The following ZNF385D variants were observed in gnomAD, a reference collection of about 807,000 sequenced individuals.
The protein encoded by ZNF385D is zinc finger protein 385D.
In ZNF385D, 15 loss-of-function variants were observed where a neutral mutation model predicts 35.8. The observed-to-expected ratio is 0.42, with a 90% CI of 0.28 to 0.64. ZNF385D has a LOEUF of 0.64. Ranked by LOEUF, ZNF385D falls within the 30% of genes least tolerant of loss-of-function variation. The pLI is 0.23. For missense variants in ZNF385D, 474 were observed against 494.6 expected (o/e 0.96, Z 0.39); for synonymous variants, 212 against 186.8 (o/e 1.13, Z -1.10).
chr3:22,255,143 G>C (rs554354762), intron 2 of ZNF385D, among the ~76,000 whole-genome samples: 1 of 151,054 alleles, frequency 6.6e-6, no homozygotes, highest in Non-Finnish European at 1.5e-5. Flanking sequence ...CAAATGCGGG[G>C]AACTACTATA....
At chr3:21,685,557 T>C (rs17009306) in intron 1 of ZNF385D, among the ~76,000 whole-genome samples, 5,847 of 152,266 alleles carry the variant, frequency 0.038, 393 homozygotes, top group African/African-American at 0.13. Context: ...AAGCAGCACA[T>C]GCGGTCTTGC....
intron 2 of ZNF385D, among the ~76,000 whole-genome samples, chr3:21,620,263 C>T (rs953742320): frequency 4.6e-5 from 7 of 152,086 alleles, no homozygotes; most frequent in African/African-American, 1.7e-4. Flanking sequence ...TTTTCCAAAA[C>T]AGAGGAAGGA....
intron 3 of ZNF385D, among the ~76,000 whole-genome samples, chr3:21,560,205 C>T (rs138789119): frequency 1.9e-3 from 293 of 152,186 alleles, no homozygotes; most frequent in South Asian, 6.4e-3. Flanking sequence ...CTCTTACTGG[C>T]GAGGAGTTGT....
At chr3:22,159,327 C>G (rs986954191) in intron 3 of ZNF385D, among the ~76,000 whole-genome samples, 1 of 152,004 alleles carries the variant, frequency 6.6e-6, no homozygotes, top group African/African-American at 2.4e-5. Context: ...ATTCTCTTTT[C>G]TTTTTTGGCT....
At chr3:21,981,744 G>A (rs1694464487) in intron 3 of ZNF385D, among the ~76,000 whole-genome samples, 1 of 152,212 alleles carries the variant, frequency 6.6e-6, no homozygotes, top group African/African-American at 2.4e-5. Flanking sequence ...TTTGTGTATG[G>A]TGTATGGAAG....
intron 4 of ZNF385D, among the ~76,000 whole-genome samples, chr3:21,455,668 A>G (rs1016980903): frequency 3.9e-5 from 6 of 152,198 alleles, no homozygotes; most frequent in Non-Finnish European, 8.8e-5. Context: ...TTCAGGACAT[A>G]GGCATGGGGG....
intron 3 of ZNF385D, among the ~76,000 whole-genome samples, chr3:22,083,241 T>C (rs982101861): frequency 2.0e-4 from 30 of 152,188 alleles, no homozygotes; most frequent in African/African-American, 6.0e-4. Flanking sequence ...CTTTGATGAG[T>C]TGACAGAAGT....
chr3:21,977,328 CA>C (rs59271781), intron 3 of ZNF385D, among the ~76,000 whole-genome samples: 24 of 151,438 alleles, frequency 1.6e-4, no homozygotes, highest in East Asian at 1.2e-3. Context: ...TTTCAATTAA[CA>C]AAAAAAAATT....
intron 2 of ZNF385D, among the ~76,000 whole-genome samples, chr3:22,205,996 C>G (rs111693416): frequency 6.6e-6 from 1 of 151,786 alleles, no homozygotes; most frequent in African/African-American, 2.4e-5. Flanking sequence ...CAACTCAAAT[C>G]TTGCCATATA....
intron 2 of ZNF385D, among the ~76,000 whole-genome samples, chr3:22,231,689 T>A (rs1698899654): frequency 6.6e-6 from 1 of 152,142 alleles, no homozygotes; most frequent in South Asian, 2.1e-4. Context: ...GCCAGGTAGA[T>A]GGGTCCCAAT....
intron 3 of ZNF385D, among the ~76,000 whole-genome samples, chr3:21,784,080 T>C (rs2071595042): frequency 6.6e-6 from 1 of 152,190 alleles, no homozygotes; most frequent in Non-Finnish European, 1.5e-5. Flanking sequence ...CACACGTGCT[T>C]ATCAGTCTCC....
chr3:22,277,472 AAGC>A (rs1379784158), intron 2 of ZNF385D, among the ~76,000 whole-genome samples: 1 of 152,130 alleles, frequency 6.6e-6, no homozygotes, highest in African/African-American at 2.4e-5. Context: ...AAATTCAAGA[AAGC>A]AGCAGAAGAA....
At chr3:21,968,666 T>G (rs987611428) in intron 3 of ZNF385D, among the ~76,000 whole-genome samples, 22 of 152,196 alleles carry the variant, frequency 1.4e-4, no homozygotes, top group African/African-American at 5.3e-4. Flanking sequence ...TTAGCAGCAT[T>G]CATCACCTAC....
intron 2 of ZNF385D, among the ~76,000 whole-genome samples, chr3:21,638,632 A>C (rs2065516138): frequency 6.6e-6 from 1 of 152,106 alleles, no homozygotes; most frequent in Admixed American, 6.6e-5. Context: ...AGCATCTATA[A>C]AACTTGGGAG....
intron 3 of ZNF385D, among the ~76,000 whole-genome samples, chr3:21,903,408 A>C (rs1699513095): frequency 1.3e-5 from 2 of 152,172 alleles, no homozygotes; most frequent in African/African-American, 2.4e-5. Context: ...TGTCACATTC[A>C]CACCTGTACT....
At chr3:21,904,607 T>A (rs1359671649) in intron 3 of ZNF385D, among the ~76,000 whole-genome samples, 1 of 152,150 alleles carries the variant, frequency 6.6e-6, no homozygotes, top group Non-Finnish European at 1.5e-5. Flanking sequence ...TAGATAAAGC[T>A]TTATGATATT....
At chr3:21,939,502 A>G (rs564925436) in intron 3 of ZNF385D, among the ~76,000 whole-genome samples, 4 of 152,292 alleles carry the variant, frequency 2.6e-5, no homozygotes, top group African/African-American at 9.6e-5. Context: ...CACCAATTAT[A>G]TATTGTAAAT....
chr3:21,565,180 C>T (rs1266205515), intron 2 of ZNF385D, among the ~76,000 whole-genome samples: 2 of 151,704 alleles, frequency 1.3e-5, no homozygotes, highest in East Asian at 3.9e-4. Context: ...TCCTGCTTTC[C>T]AATAATTGAA....
At chr3:22,355,613 G>A (rs933547873) in intron 2 of ZNF385D, among the ~76,000 whole-genome samples, 2 of 151,798 alleles carry the variant, frequency 1.3e-5, no homozygotes, top group East Asian at 3.9e-4. Context: ...AATAAAGGAA[G>A]AAGCTGGCCA....
Sources: allele counts gnomAD v4.1 joint callset (sites outside exome capture counted in the v4.1 genomes callset), GRCh38; gene constraint gnomAD v4.1.1; transcripts MANE v1.5; gene names NCBI Gene and HGNC (gene_info 2026-07-23, HGNC 2026-07-21).